The following EYA4 variants were observed in gnomAD, a reference collection of about 807,000 sequenced individuals.
EYA4 encodes protein phosphatase EYA4.
EYA4 carries 31 observed loss-of-function variants against 87.9 expected under a neutral mutation model. The observed-to-expected ratio is 0.35, with a 90% CI of 0.27 to 0.48. EYA4 has a LOEUF of 0.48. EYA4 is among the 20% of genes least tolerant of loss of function. EYA4 has a pLI of 0.99. For synonymous variants in EYA4, 263 were observed against 270.6 expected, an observed-to-expected ratio of 0.97 and a Z score of 0.28; for missense variants, 678 against 761.4, an observed-to-expected ratio of 0.89 and a Z score of 1.29.
At chr6:133,389,724 C>T (rs537885074) in intron 3 of EYA4, among the ~76,000 whole-genome samples, 62 of 152,306 alleles carry the variant, frequency 4.1e-4, no homozygotes, top group African/African-American at 1.4e-3. Context: ...TGTCCTGTCT[C>T]AGAACTTTTA....
intron 13 of EYA4, among the ~76,000 whole-genome samples, chr6:133,501,236 G>T (rs983094368): frequency 6.6e-6 from 1 of 151,726 alleles, no homozygotes. Context: ...GCTTGTCCTG[G>T]TTTTTCTTTC....
At chr6:133,321,677 G>C (rs1001429331) in intron 2 of EYA4, among the ~76,000 whole-genome samples, 1 of 152,184 alleles carries the variant, frequency 6.6e-6, no homozygotes, top group African/African-American at 2.4e-5. Flanking sequence ...ATGTATTTCT[G>C]TGTGTTTTGG....
At chr6:133,361,161 G>A (rs116324165) in intron 2 of EYA4, among the ~76,000 whole-genome samples, 2,633 of 152,252 alleles carry the variant, frequency 0.017, 62 homozygotes, top group African/African-American at 0.057. Context: ...GTCCATTGTC[G>A]TTGTCACAGA....
intron 5 of EYA4, among the ~76,000 whole-genome samples, chr6:133,448,749 T>A (rs888226686): frequency 3.3e-5 from 5 of 152,194 alleles, no homozygotes; most frequent in African/African-American, 1.2e-4. Flanking sequence ...TTTTTTGAAC[T>A]ATGGATATTA....
At chr6:133,246,069 G>A (rs1774382962) in intron 1 of EYA4, among the ~76,000 whole-genome samples, 1 of 152,122 alleles carries the variant, frequency 6.6e-6, no homozygotes, top group East Asian at 1.9e-4. Context: ...AAACCATTTT[G>A]TGTTATCAAA....
intron 3 of EYA4, among the ~76,000 whole-genome samples, chr6:133,434,755 TACA>T (rs1216236761): frequency 1.3e-5 from 2 of 152,224 alleles, no homozygotes; most frequent in East Asian, 1.9e-4. Context: ...CTCTTGTTAG[TACA>T]ACATTGGGAA....
intron 2 of EYA4, among the ~76,000 whole-genome samples, chr6:133,307,378 C>G (rs1256254721): frequency 1.3e-5 from 2 of 152,122 alleles, no homozygotes; most frequent in Non-Finnish European, 2.9e-5. Flanking sequence ...AGCAGAAATG[C>G]CCCATCTGTT....
rs1485897156 is a variant in EYA4 at position 133,342,605 on chromosome 6, A to ATATATATTATATATATATATATATC, written c.34-39787_34-39786insTATATATTATATATATATATATATC. On this transcript the variant is annotated intron_variant, in intron 2 of 19. Transcript: ENST00000355286. ...TATATATATATATATATATATATATAATTCTTTATATTTCTCTGGGCTTAA... is the reference window on the plus strand; with the variant it reads ...TATATATATATATATATATATATATATATATATTATATATATATATATATCATTCTTTATATTTCTCTGGGCTTAA... Among the ~76,000 whole-genome samples, 404 of 130,376 alleles carry ATATATATTATATATATATATATATC rather than the reference A, an allele frequency of 3.1e-3. 7 individuals are homozygous for ATATATATTATATATATATATATATC. Among genetic ancestry groups the ATATATATTATATATATATATATATC allele is most frequent in the African/African-American group, 0.011 (329 of 30,484 alleles). The allele number at this position is 130,376 out of a possible 152,430, so 85.5% of individuals were successfully genotyped here.
At chr6:133,350,417 T>C (rs1015042284) in intron 2 of EYA4, among the ~76,000 whole-genome samples, 2 of 152,132 alleles carry the variant, frequency 1.3e-5, no homozygotes, top group Non-Finnish European at 2.9e-5. Flanking sequence ...TTGGCTAGTT[T>C]ATACTAAGTG....
chr6:133,521,964 G>A (rs1800193231), intron 17 of EYA4, among the ~76,000 whole-genome samples: 1 of 114,942 alleles, frequency 8.7e-6, no homozygotes, highest in Non-Finnish European at 1.8e-5. Context: ...GGGGACTGTT[G>A]TGGGGTGGGG....
chr6:133,500,168 A>T (rs1378012022), intron 13 of EYA4, among the ~76,000 whole-genome samples: 1 of 151,892 alleles, frequency 6.6e-6, no homozygotes, highest in South Asian at 2.1e-4. Context: ...TCGTTTGTAC[A>T]TTGGACTCAC....
In EYA4 at chr6:133,456,788, G is replaced by T. The variant is rs1043866647; in HGVS notation, c.370+140G>T. 2.2e-5 allele frequency: 14 copies of T among 642,016 alleles called. No homozygotes were observed. The African/African-American group carries it at 2.4e-4, about 11-fold the overall frequency. The allele number at this position is 642,016 out of a possible 1,614,324, so 39.8% of individuals were successfully genotyped here. On this transcript the variant is annotated intron_variant, in intron 6 of 19. Transcript: ENST00000355286. ...TTAGAAACAAATTCTTATTTTTTGA[G>T]AACTCATAGTCATAGCAGTATGCAT...
intron 2 of EYA4, among the ~76,000 whole-genome samples, chr6:133,328,686 G>A (rs556237401): frequency 8.7e-5 from 13 of 150,022 alleles, no homozygotes; most frequent in African/African-American, 3.2e-4. Flanking sequence ...ATTTTGTATG[G>A]ATAGACAAAT....
At chr6:133,481,424 A>C (rs772877641) in intron 11 of EYA4, 39 bp from the exon 12 acceptor site, 1 of 1,601,032 alleles carries the variant, frequency 6.2e-7, no homozygotes. Context: ...TGATCTAAAA[A>C]TGAAGTGCTA....
At chr6:133,295,520 C>G (rs1778881471) in intron 2 of EYA4, among the ~76,000 whole-genome samples, 1 of 152,152 alleles carries the variant, frequency 6.6e-6, no homozygotes, top group Non-Finnish European at 1.5e-5. Context: ...CGAGTACCTA[C>G]TAATTATAAA....
chr6:133,354,318 A>G (rs558942353), intron 2 of EYA4, among the ~76,000 whole-genome samples: 1 of 152,150 alleles, frequency 6.6e-6, no homozygotes, highest in South Asian at 2.1e-4. Flanking sequence ...TACTACCAGT[A>G]ATAATAGTTA....
intron 2 of EYA4, among the ~76,000 whole-genome samples, chr6:133,321,281 T>A (rs906274530): frequency 6.6e-6 from 1 of 152,180 alleles, no homozygotes; most frequent in African/African-American, 2.4e-5. Context: ...AAATTCTTGA[T>A]GTCAAGAATT....
chr6:133,460,303 A>G (rs531369975), intron 6 of EYA4, among the ~76,000 whole-genome samples: 1 of 152,256 alleles, frequency 6.6e-6, no homozygotes, highest in East Asian at 1.9e-4. Context: ...ACTGGCTCAC[A>G]CTTTAGAGTC....
At position 133,445,187 on chromosome 6, in the gene EYA4, C is replaced by T. The variant is rs1372691998; in HGVS notation, c.84-1443C>T. Among the ~76,000 whole-genome samples the T allele has an allele frequency of 2.6e-5, 4 of 152,168 alleles. No homozygotes were observed. In the South Asian group the frequency reaches 8.3e-4, roughly 32 times the overall value. ...CTTATCCAAGTTTAATATAACACTT[C>T]ATGCCAAATGAAAGAACCTTGAAAA... is the stretch of plus-strand genomic sequence containing the variant. On this transcript the variant is annotated intron_variant, in intron 3 of 19. Coordinates refer to ENST00000355286, the MANE Select transcript of EYA4 (RefSeq NM_004100.5).
Sources: allele counts gnomAD v4.1 joint callset (sites outside exome capture counted in the v4.1 genomes callset), GRCh38; gene constraint gnomAD v4.1.1; transcripts MANE v1.5; gene names NCBI Gene and HGNC (gene_info 2026-07-23, HGNC 2026-07-21).